KLHL1: variants seen among roughly 807,000 people sequenced by gnomAD.
KLHL1 encodes kelch like family member 1.
KLHL1 carries 47 observed loss-of-function variants against 77.7 expected under a neutral mutation model. The ratio of observed to expected loss-of-function variants is 0.60; its 90% confidence interval spans 0.48 to 0.77. The LOEUF is 0.77. Among genes scored for constraint, KLHL1 ranks in the 30% least tolerant of loss-of-function variants. The pLI, the probability that KLHL1 is intolerant of heterozygous loss-of-function variation, is 0.00. For missense variants in KLHL1, 925 were observed against 910.8 expected (o/e 1.02, Z -0.20); for synonymous variants, 360 against 325.2 (o/e 1.11, Z -1.15).
At chr13:69,811,525 C>T (rs1877879678) in intron 6 of KLHL1, among the ~76,000 whole-genome samples, 1 of 152,198 alleles carries the variant, frequency 6.6e-6, no homozygotes, top group East Asian at 1.9e-4. Context: ...CAACACCATA[C>T]TGAATATGCA....
At chr13:69,731,892 T>G (rs1218306028) in intron 8 of KLHL1, among the ~76,000 whole-genome samples, 1 of 151,992 alleles carries the variant, frequency 6.6e-6, no homozygotes, top group African/African-American at 2.4e-5. Flanking sequence ...AAAAACAAAG[T>G]AAAACAAAGC....
At chr13:69,892,413 C>T (rs1289825616) in intron 4 of KLHL1, among the ~76,000 whole-genome samples, 1 of 152,108 alleles carries the variant, frequency 6.6e-6, no homozygotes, top group Admixed American at 6.6e-5. Context: ...AAATAATGCT[C>T]CTCTACAACC....
intron 6 of KLHL1, among the ~76,000 whole-genome samples, chr13:69,827,808 G>T (rs1017042886): frequency 4.7e-5 from 7 of 148,636 alleles, no homozygotes; most frequent in Non-Finnish European, 7.4e-5. Context: ...AAGAGCAGAA[G>T]AAATAATACA....
At chr13:70,039,207 T>C (rs1019022904) in intron 1 of KLHL1, among the ~76,000 whole-genome samples, 6 of 152,034 alleles carry the variant, frequency 3.9e-5, no homozygotes, top group Non-Finnish European at 8.8e-5. Context: ...CATCTGGGAC[T>C]ACAGGTGCAC....
Position 69,711,113 on chromosome 13 carries a change from C to T in KLHL1, c.2016-3317G>A, listed in dbSNP as rs111693003. On this transcript the variant is annotated intron_variant, in intron 9 of 10. Coordinates refer to ENST00000377844, the MANE Select transcript of KLHL1 (RefSeq NM_020866.3). ...TTCAAGCATTAGTGTCATTTTCATA[C>T]TTTAAGGATAATAATCGGCCTTAAC... 8.1e-3 allele frequency among the ~76,000 whole-genome samples: 1,231 copies of T among 152,172 alleles called. 27 individuals are homozygous for T. Among genetic ancestry groups the T allele is most frequent in the African/African-American group, 0.028 (1,158 of 41,534 alleles).
chr13:70,026,847 G>A (rs1182824975), intron 1 of KLHL1, among the ~76,000 whole-genome samples: 2 of 144,304 alleles, frequency 1.4e-5, no homozygotes, highest in African/African-American at 4.9e-5. Context: ...GGAAAACAAA[G>A]TATATATTAA....
intron 3 of KLHL1, among the ~76,000 whole-genome samples, chr13:69,952,023 T>A (rs892004263): frequency 6.6e-6 from 1 of 151,568 alleles, no homozygotes; most frequent in East Asian, 1.9e-4. Context: ...GATAGTGCAC[T>A]TTGAAGCCAT....
intron 4 of KLHL1, among the ~76,000 whole-genome samples, chr13:69,904,706 G>A (rs1881990480): frequency 6.6e-6 from 1 of 152,132 alleles, no homozygotes; most frequent in African/African-American, 2.4e-5. Flanking sequence ...CACAGTGTAT[G>A]AATGAGAAGG....
At chr13:70,071,547 A>T (rs188207488) in intron 1 of KLHL1, among the ~76,000 whole-genome samples, 2 of 152,124 alleles carry the variant, frequency 1.3e-5, no homozygotes, top group Non-Finnish European at 2.9e-5. Context: ...CACATGAAAC[A>T]CTCACCAAGA....
chr13:70,079,741 C>A (rs1349968356), intron 1 of KLHL1, among the ~76,000 whole-genome samples: 3 of 152,132 alleles, frequency 2.0e-5, no homozygotes, highest in African/African-American at 7.2e-5. Flanking sequence ...TAATATTACT[C>A]TTTCTCTTTC....
chr13:69,924,594 T>C (rs1278421817), intron 4 of KLHL1, among the ~76,000 whole-genome samples: 2 of 152,206 alleles, frequency 1.3e-5, no homozygotes, highest in Admixed American at 1.3e-4. Flanking sequence ...GACCCTCCAC[T>C]GATCCACATA....
In KLHL1 at chr13:69,878,872, C is replaced by G. The variant is rs564874097; in HGVS notation, c.1227+3411G>C. The stretch of plus-strand genomic sequence containing the variant: ...AACCCAGATGTCCAACAATGATAGA[C>G]TGGATTAAGAAAATATGGTACATAC... On this transcript the variant is annotated intron_variant, in intron 5 of 10. Transcript: ENST00000377844. Among the ~76,000 whole-genome samples the G allele has an allele frequency of 6.6e-5, 10 of 152,136 alleles. No homozygotes were observed. In the South Asian group the frequency reaches 2.1e-3, roughly 32 times the overall value.
In KLHL1 at chr13:70,107,782, G is replaced by A; in HGVS notation, c.-83C>T. 1 of 1,111,080 alleles carries A rather than the reference G, an allele frequency of 9.0e-7. No individual in the cohort carries two copies. Among genetic ancestry groups the A allele is most frequent in the Non-Finnish European group, 1.2e-6 (1 of 803,856 alleles). 68.8% of individuals were successfully genotyped at this position (1,111,080 alleles called of 1,614,324 possible). On this transcript the variant is annotated 5_prime_UTR_variant, in exon 1 of 11. Transcript: ENST00000377844. Reference sequence around the variant, plus strand: ...GGTGGGGGAGGACAGCGGGGCCCGGGGGCGGAGGAAGAGGCGGGATGCGCC... The same window carrying A: ...GGTGGGGGAGGACAGCGGGGCCCGGAGGCGGAGGAAGAGGCGGGATGCGCC...
intron 5 of KLHL1, among the ~76,000 whole-genome samples, chr13:69,867,507 A>C (rs966823126): frequency 1.1e-4 from 16 of 152,020 alleles, no homozygotes. Flanking sequence ...CTTTTATATA[A>C]TGCTTTGTTT....
chr13:69,769,695 C>T (rs958778382), intron 7 of KLHL1, among the ~76,000 whole-genome samples: 8 of 152,160 alleles, frequency 5.3e-5, no homozygotes, highest in Non-Finnish European at 1.2e-4. Context: ...ACACACACAG[C>T]TACCCTCTTT....
rs570588243 is a variant in KLHL1 at position 70,009,190 on chromosome 13, A to G, written c.498-33388T>C. On this transcript the variant is annotated intron_variant, in intron 1 of 10. Transcript: ENST00000377844. ...TTAATAAGTCTTATGGAGACATAAG[A>G]CAAACCAAGGACAACAGTGTCGTAG... 9.2e-5 allele frequency among the ~76,000 whole-genome samples: 14 copies of G among 152,276 alleles called. No homozygotes were observed. In the East Asian group the frequency reaches 2.7e-3, roughly 29 times the overall value.
chr13:70,102,476 C>T (rs1307160479), intron 1 of KLHL1, among the ~76,000 whole-genome samples: 2 of 152,084 alleles, frequency 1.3e-5, no homozygotes, highest in East Asian at 1.9e-4. Flanking sequence ...TTTAAGAAGT[C>T]TATTTAAACA....
At position 69,778,790 on chromosome 13, in the gene KLHL1, C is replaced by G. The variant is rs1593820262; in HGVS notation, c.1639+17948G>C. Among the ~76,000 whole-genome samples the G allele has an allele frequency of 4.4e-5, 6 of 136,532 alleles. No individual in the cohort carries two copies. In the East Asian group the frequency reaches 1.4e-3, roughly 31 times the overall value. 89.6% of individuals were successfully genotyped at this position (136,532 alleles called of 152,430 possible). On this transcript the variant is annotated intron_variant, in intron 7 of 10. Transcript: ENST00000377844. ...ATAATATTGAAGGCAGGTATTCCCT[C>G]TCTTTTTTTTTTTTTTTTTTTTTTT...
chr13:69,730,269 G>A (rs9542060), intron 8 of KLHL1, among the ~76,000 whole-genome samples: 2 of 42,244 alleles, frequency 4.7e-5, no homozygotes, highest in African/African-American at 3.9e-4. Flanking sequence ...ACACTTTAAT[G>A]TGTGTGTGTG....
Sources: allele counts gnomAD v4.1 joint callset (sites outside exome capture counted in the v4.1 genomes callset), GRCh38; gene constraint gnomAD v4.1.1; transcripts MANE v1.5; gene names NCBI Gene and HGNC (gene_info 2026-07-23, HGNC 2026-07-21).